The following ERLIN1 variants were observed in gnomAD, a reference collection of about 807,000 sequenced individuals.
ERLIN1 encodes erlin-1.
Under a neutral mutation model 46.9 loss-of-function variants are expected in ERLIN1, and 24 were observed. That is an observed-to-expected ratio of 0.51 (90% CI 0.37 to 0.72). The LOEUF (loss-of-function observed/expected upper bound fraction) is 0.72, where lower values mean the gene tolerates loss of function less well. Ranked by LOEUF, ERLIN1 falls within the 30% of genes least tolerant of loss-of-function variation. The pLI is 0.00. For synonymous variants in ERLIN1, 158 were observed against 143.2 expected, an observed-to-expected ratio of 1.10 and a Z score of -0.74; for missense variants, 293 against 417.9, an observed-to-expected ratio of 0.70 and a Z score of 2.61.
intron 3 of ERLIN1, among the ~76,000 whole-genome samples, chr10:100,178,518 A>G (rs934207769): frequency 6.6e-6 from 1 of 152,204 alleles, no homozygotes; most frequent in Non-Finnish European, 1.5e-5. Flanking sequence ...TTAGGACAGC[A>G]ATTCTCAAAG....
chr10:100,178,088 C>G, intron 4 of ERLIN1, 45 bp downstream of exon 4: 1 of 1,200,970 alleles, frequency 8.3e-7, no homozygotes, highest in South Asian at 1.3e-5. Flanking sequence ...AGCTATAAAT[C>G]CTCTGGCTAT....
rs777077305 is a variant in ERLIN1 at position 100,185,531 on chromosome 10, A to G, written c.96T>C (p.His32=). 1 of 1,613,554 alleles carries G rather than the reference A, an allele frequency of 6.2e-7. No individual in the cohort carries two copies. The highest frequency in any genetic ancestry group is 2.2e-5 in the East Asian group (1 of 44,866). The change falls in exon 1 of 11, where the codon CAT becomes CAC. Residue 32 remains histidine, a synonymous_variant. Coordinates refer to ENST00000421367, the MANE Select transcript of ERLIN1 (RefSeq NM_006459.4). ...YASIHKIEEG[H]LAVYYRGGAL... is the part of the protein sequence containing the mutation. The stretch of plus-strand genomic sequence containing the variant: ...CCGCTCACCTGTAGTACACAGCCAG[A>G]TGGCCCTCCTCAATCTTGTGGATGG...
At chr10:100,160,972 C>T (rs950261039) in intron 8 of ERLIN1, among the ~76,000 whole-genome samples, 1 of 152,056 alleles carries the variant, frequency 6.6e-6, no homozygotes, top group African/African-American at 2.4e-5. Flanking sequence ...GTTTTAACAG[C>T]CATTCAAAAT....
At chr10:100,183,967 C>T (rs1844812577) in intron 1 of ERLIN1, 130 bp from the exon 2 acceptor site, 2 of 631,008 alleles carry the variant, frequency 3.2e-6, no homozygotes, top group South Asian at 3.9e-5. Flanking sequence ...ATATGAATTG[C>T]TCATAATGAA....
rs753758398 is a variant in ERLIN1, at chr10:100,176,059, C to T, written c.316G>A (p.Val106Met). Residue 106 changes from valine (V) to methionine (M), a missense_variant, in exon 5 of 11, where the codon GTG becomes ATG. By Grantham distance (21) the Val-to-Met change is conservative (BLOSUM62 1). Around this residue, in one of 3 missense-constraint regions of ERLIN1, gnomAD observed 148 missense variants for 266.5 expected, o/e 0.56. Coordinates refer to ENST00000421367, the MANE Select transcript of ERLIN1 (RefSeq NM_006459.4). Reference protein sequence around the residue: ...MLAPYAVFDIVRNYTADYDKT... With the variant: ...MLAPYAVFDIMRNYTADYDKT... ...TCATAATCTGCAGTATAGTTCCTCA[C>T]GATATCAAACACTGAAGGAGAGGTA... is the stretch of plus-strand genomic sequence containing the variant. 11 of 1,611,690 alleles carry T rather than the reference C, an allele frequency of 6.8e-6. No homozygotes were observed. The highest frequency in any genetic ancestry group is 1.1e-5 in the South Asian group (1 of 90,608).
intron 7 of ERLIN1, 96 bp downstream of exon 7, chr10:100,167,252 C>T: frequency 1.1e-6 from 1 of 880,634 alleles, no homozygotes; most frequent in African/African-American, 1.7e-5. Flanking sequence ...ATACTCCACC[C>T]CAGAGTGTAT....
At chr10:100,185,284 G>A (rs1472437190) in intron 1 of ERLIN1, among the ~76,000 whole-genome samples, 1 of 152,094 alleles carries the variant, frequency 6.6e-6, no homozygotes, top group Non-Finnish European at 1.5e-5. Context: ...AGTTTGCTGT[G>A]TATAGGAATA....
chr10:100,165,828 C>T (rs969713745), intron 7 of ERLIN1, among the ~76,000 whole-genome samples: 3 of 152,246 alleles, frequency 2.0e-5, no homozygotes, highest in African/African-American at 4.8e-5. Flanking sequence ...CCGGTTGAAG[C>T]GACTCTCCTA....
At position 100,152,285 on chromosome 10, in the gene ERLIN1, T is replaced by C. The variant is rs756772947; in HGVS notation, c.893A>G (p.Tyr298Cys). The C allele has an allele frequency of 5.6e-6, 9 of 1,613,530 alleles. No homozygotes were observed. Among genetic ancestry groups the C allele is most frequent in the East Asian group, 2.2e-5 (1 of 44,882 alleles). ...YQAIASNSKIYFGSNIPNMFV... is the reference protein window; with the variant it reads ...YQAIASNSKICFGSNIPNMFV... Reference sequence around the variant, plus strand: ...CATGTTAGGGATGTTGCTGCCAAAATAGATCTTACTGTTAGAAGCAATGGC... The same window carrying C: ...CATGTTAGGGATGTTGCTGCCAAAACAGATCTTACTGTTAGAAGCAATGGC... The change falls in exon 11 of 11, where the codon TAT (tyrosine) becomes TGT (cysteine). Residue 298 changes from tyrosine (Y) to cysteine (C), a missense_variant. Physicochemically the swap from Tyr to Cys is radical, Grantham distance 194. Coordinates refer to ENST00000421367, the MANE Select transcript of ERLIN1 (RefSeq NM_006459.4).
intron 9 of ERLIN1, among the ~76,000 whole-genome samples, chr10:100,155,409 G>C (rs12248666): frequency 0.027 from 4,098 of 151,512 alleles, 78 homozygotes; most frequent in Middle Eastern, 0.056. Context: ...GTGAAATCAA[G>C]TAGTGTGAGG....
intron 9 of ERLIN1, among the ~76,000 whole-genome samples, chr10:100,155,292 GCCC>G (rs772384859): frequency 6.7e-6 from 1 of 149,770 alleles, no homozygotes; most frequent in Non-Finnish European, 1.5e-5. Context: ...ATTGTCTCCA[GCCC>G]CCCCCCAAAT....
At position 100,155,386 on chromosome 10, in the gene ERLIN1, A is replaced by G. The variant is rs898209315; in HGVS notation, c.746-447T>C. Reference sequence around the variant, plus strand: ...ACTTCAAGACCGAGCTAAGAACATCAACATCTCACTATGTGAAATCAAGTA... The same window carrying G: ...ACTTCAAGACCGAGCTAAGAACATCGACATCTCACTATGTGAAATCAAGTA... On this transcript the variant is annotated intron_variant, in intron 9 of 10. Transcript: ENST00000421367. 4.6e-5 allele frequency among the ~76,000 whole-genome samples: 7 copies of G among 152,204 alleles called. No homozygotes were observed. The South Asian group carries it at 6.2e-4, about 13-fold the overall frequency.
intron 5 of ERLIN1, among the ~76,000 whole-genome samples, chr10:100,174,790 AAGAG>A (rs140430771): frequency 5.3e-5 from 8 of 150,728 alleles, no homozygotes; most frequent in Admixed American, 3.3e-4. Context: ...TTTGGATTTA[AAGAG>A]AGAGAGAGAG....
At chr10:100,159,732 C>CA (rs1201670970) in intron 8 of ERLIN1, among the ~76,000 whole-genome samples, 2 of 151,806 alleles carry the variant, frequency 1.3e-5, no homozygotes, top group Non-Finnish European at 2.9e-5. Context: ...CACCAATATA[C>CA]AAAGTACATT....
Position 100,152,211 on chromosome 10 carries a change from T to C in ERLIN1, c.967A>G (p.Arg323Gly), listed in dbSNP as rs768523536. Reference sequence around the variant, plus strand: ...TCCTTAGAGGGGAGTGAGCTTTCTCTTCCAGTCCTAATATCTGAATATTTC... The same window carrying C: ...TCCTTAGAGGGGAGTGAGCTTTCTCCTCCAGTCCTAATATCTGAATATTTC... ...ALKYSDIRTG[R>G]ESSLPSKEAL... Residue 323 changes from arginine (R) to glycine (G), a missense_variant, in exon 11 of 11, where the codon AGA (arginine) becomes GGA (glycine). Arg to Gly is a moderately radical substitution (Grantham distance 125). Around this residue, in one of 3 missense-constraint regions of ERLIN1, gnomAD observed 69 missense variants for 74.5 expected, o/e 0.93. Transcript: ENST00000421367. 6.2e-7 allele frequency: 1 copy of C among 1,613,504 alleles called. No homozygotes were observed. The highest frequency in any genetic ancestry group is 2.2e-5 in the East Asian group (1 of 44,882).
chr10:100,152,243 C>T lies in ERLIN1; in HGVS notation c.935G>A (p.Cys312Tyr). 1.9e-6 allele frequency: 3 copies of T among 1,611,830 alleles called. No homozygotes were observed. The highest frequency in any genetic ancestry group is 1.7e-6 in the Non-Finnish European group (2 of 1,177,876). Residue 312 changes from cysteine (C) to tyrosine (Y), a missense_variant, in exon 11 of 11, where the codon TGT becomes TAT. Transcript: ENST00000421367. ...CCTAATATCTGAATATTTCAAAGCA[C>T]ATGAGGAGTCCACGAACATGTTAGG... Reference protein sequence around the residue: ...NIPNMFVDSSCALKYSDIRTG... With the variant: ...NIPNMFVDSSYALKYSDIRTG...
intron 7 of ERLIN1, among the ~76,000 whole-genome samples, chr10:100,164,865 C>T (rs1370440454): frequency 3.3e-5 from 5 of 150,974 alleles, no homozygotes; most frequent in African/African-American, 4.9e-5. Flanking sequence ...AAATAAAATA[C>T]CTTAAAAAAA....
At chr10:100,175,853 T>C (rs1179676623) in intron 5 of ERLIN1, 92 bp downstream of exon 5, 2 of 999,734 alleles carry the variant, frequency 2.0e-6, no homozygotes, top group East Asian at 5.3e-5. Flanking sequence ...AATGCTTAAA[T>C]AGCACTAAGG....
intron 4 of ERLIN1, among the ~76,000 whole-genome samples, chr10:100,177,519 C>T (rs1229134463): frequency 6.6e-6 from 1 of 152,174 alleles, no homozygotes; most frequent in African/African-American, 2.4e-5. Flanking sequence ...AAGGCAAAGG[C>T]TGTAATTTCA....
Sources: allele counts gnomAD v4.1 joint callset (sites outside exome capture counted in the v4.1 genomes callset), GRCh38; gene constraint gnomAD v4.1.1; regional missense constraint gnomAD v4.1.1; transcripts MANE v1.5; gene names NCBI Gene and HGNC (gene_info 2026-07-23, HGNC 2026-07-21).